Variants in TTC7A observed in about 807,000 individuals in gnomAD.
The protein encoded by TTC7A is tetratricopeptide repeat domain 7A, also known as tetratricopeptide repeat protein 7A.
TTC7A carries 110 observed loss-of-function variants against 103.7 expected under a neutral mutation model. The observed-to-expected ratio is 1.06, with a 90% CI of 0.91 to 1.24. TTC7A has a LOEUF of 1.24. Ranked by LOEUF, TTC7A falls within the 50% of genes most tolerant of loss-of-function variation. TTC7A has a pLI of 0.00. For synonymous variants in TTC7A, 521 were observed against 467.9 expected (o/e 1.11, Z -1.47); for missense variants, 1,340 against 1,116.3 (o/e 1.20, Z -2.86).
intron 19 of TTC7A, chr2:47,068,365 C>G (rs917311949): frequency 7.9e-5 from 12 of 152,180 alleles, no homozygotes; most frequent in African/African-American, 2.7e-4. Context: ...CTCTAGGCTT[C>G]TTTCTCTGTG....
rs1679631125 is a variant in TTC7A at position 47,024,287 on chromosome 2, G to A, written c.1569G>A (p.Arg523=). The A allele has an allele frequency of 6.2e-7, 1 of 1,601,818 alleles. No homozygotes were observed. Residue 523 remains arginine (R), a splice_region_variant and synonymous_variant, in exon 14 of 20, where the codon AGG becomes AGA. Coordinates refer to ENST00000319190, the MANE Select transcript of TTC7A (RefSeq NM_020458.4). Reference sequence around the variant, plus strand: ...CTTGTCACTCCCTCTCCCCACACAGGGCTCAGCAGCTGGCGCCCAGTGACC... The same window carrying A: ...CTTGTCACTCCCTCTCCCCACACAGAGCTCAGCAGCTGGCGCCCAGTGACC... ...LHRKALQTLE[R]AQQLAPSDPQ...
intron 5 of TTC7A, among the ~76,000 whole-genome samples, chr2:46,991,668 T>C (rs1030291520): frequency 3.7e-4 from 57 of 152,294 alleles, no homozygotes; most frequent in African/African-American, 1.3e-3. Flanking sequence ...CCGGTGATAG[T>C]ATTATTAGGA....
intron 15 of TTC7A, chr2:47,034,031 A>G (rs1193556241): frequency 6.6e-6 from 1 of 152,262 alleles, no homozygotes; most frequent in East Asian, 1.9e-4. Flanking sequence ...TTCAGGGGTT[A>G]GAAAGCACAG....
At chr2:46,947,342 C>G (rs1394736369) in intron 1 of TTC7A, among the ~76,000 whole-genome samples, 2 of 152,162 alleles carry the variant, frequency 1.3e-5, no homozygotes, top group African/African-American at 4.8e-5. Flanking sequence ...AAGCCTTCAA[C>G]AAATATTAGT....
intron 15 of TTC7A, among the ~76,000 whole-genome samples, chr2:47,035,856 G>A (rs1315525071): frequency 1.3e-5 from 2 of 152,308 alleles, no homozygotes; most frequent in East Asian, 3.9e-4. Context: ...CCACAAAGCA[G>A]AGCTGACCTC....
chr2:46,975,420 C>G (rs1673780912), intron 4 of TTC7A, among the ~76,000 whole-genome samples: 1 of 151,830 alleles, frequency 6.6e-6, no homozygotes, highest in South Asian at 2.1e-4. Flanking sequence ...CTGGGTCTTG[C>G]AGTTGGACAT....
intron 2 of TTC7A, among the ~76,000 whole-genome samples, chr2:46,931,357 C>T (rs1460793307): frequency 2.6e-5 from 4 of 152,248 alleles, no homozygotes; most frequent in African/African-American, 7.2e-5. Flanking sequence ...AAGTGCTGGG[C>T]TTACAGCCAT....
intron 8 of TTC7A, among the ~76,000 whole-genome samples, chr2:47,000,546 A>G (rs1676700121): frequency 1.3e-5 from 2 of 152,248 alleles, no homozygotes; most frequent in Admixed American, 1.3e-4. Flanking sequence ...CGCTGGGTGG[A>G]TGGAACATGT....
At chr2:46,999,449 C>G (rs1676567342) in intron 8 of TTC7A, 2 of 982,810 alleles carry the variant, frequency 2.0e-6, no homozygotes, top group Non-Finnish European at 1.2e-6. Flanking sequence ...ATTCATCTGT[C>G]TATCCACCCA....
chr2:46,947,949 A>G (rs1445332659), intron 1 of TTC7A, among the ~76,000 whole-genome samples: 1 of 152,178 alleles, frequency 6.6e-6, no homozygotes, highest in Non-Finnish European at 1.5e-5. Context: ...GGCCAGCCGC[A>G]CTTGGAGCAG....
chr2:46,973,218 C>A (rs1489052755), intron 3 of TTC7A, among the ~76,000 whole-genome samples: 2 of 152,068 alleles, frequency 1.3e-5, no homozygotes, highest in Admixed American at 1.3e-4. Flanking sequence ...TGTGGAACAG[C>A]AAAGTGAAGG....
At chr2:47,061,756 A>G (rs1250196507) in intron 19 of TTC7A, among the ~76,000 whole-genome samples, 22 of 152,272 alleles carry the variant, frequency 1.4e-4, no homozygotes, top group Admixed American at 1.4e-3. Flanking sequence ...GACAGGTGAT[A>G]TACTAGACCC....
intron 5 of TTC7A, among the ~76,000 whole-genome samples, chr2:46,987,497 G>C (rs2082562): frequency 0.79 from 120,285 of 152,108 alleles, 48,046 homozygotes; most frequent in African/African-American, 0.89. Flanking sequence ...GAATGTGAGC[G>C]GACTCTGCTC....
At chr2:46,993,640 T>A in intron 6 of TTC7A, 112 bp downstream of exon 6, 5 of 957,180 alleles carry the variant, frequency 5.2e-6, no homozygotes, top group Non-Finnish European at 8.3e-6. Context: ...GTCTCCTGCC[T>A]GCTTGTGGCA....
intron 19 of TTC7A, among the ~76,000 whole-genome samples, chr2:47,070,575 C>T (rs1319384869): frequency 6.6e-6 from 1 of 152,196 alleles, no homozygotes; most frequent in Admixed American, 6.5e-5. Context: ...ATGAGCCCCA[C>T]AGTAACTAAG....
In TTC7A at chr2:46,920,530, C is replaced by T. The variant is rs112225259; in HGVS notation, c.82+3253C>T. The stretch of plus-strand genomic sequence containing the variant: ...ATTTTTAGTAGAGATGGGGTTTCAC[C>T]ATGTTGGCCAGGCTGGTCTTGAACT... On this transcript the variant is annotated intron_variant, in intron 2 of 20. Transcript: ENST00000409245. Among the ~76,000 whole-genome samples the T allele has an allele frequency of 6.7e-3, 1,023 of 151,946 alleles. 4 individuals are homozygous for T. Among genetic ancestry groups the T allele is most frequent in the Non-Finnish European group, 0.011 (740 of 67,968 alleles).
Position 47,006,632 on chromosome 2 carries a change from C to T in TTC7A, c.1204-9C>T, listed in dbSNP as rs574765911. 242 of 1,612,990 alleles carry T rather than the reference C, an allele frequency of 1.5e-4. 3 individuals are homozygous for T. In the South Asian group the frequency reaches 2.4e-3, roughly 16 times the overall value. ...TGGTGGGTAAATGCTGACTATCTCC[C>T]CTCCCCAGTGCCTGGAGCGAGCCAT... On this transcript the variant is annotated splice_polypyrimidine_tract_variant and intron_variant, in intron 9 of 19. Transcript: ENST00000319190.
intron 15 of TTC7A, among the ~76,000 whole-genome samples, chr2:47,036,127 G>A (rs1681077177): frequency 6.6e-6 from 1 of 152,238 alleles, no homozygotes; most frequent in African/African-American, 2.4e-5. Context: ...GGTAGCTGCA[G>A]GGAGGGAAGC....
At chr2:47,000,523 G>A (rs976845102) in intron 8 of TTC7A, among the ~76,000 whole-genome samples, 2 of 152,226 alleles carry the variant, frequency 1.3e-5, no homozygotes. Flanking sequence ...GCTGGCGTGG[G>A]CCTGGCCTGG....
Sources: allele counts gnomAD v4.1 joint callset (sites outside exome capture counted in the v4.1 genomes callset), GRCh38; gene constraint gnomAD v4.1.1; transcripts MANE v1.5; gene names NCBI Gene and HGNC (gene_info 2026-07-23, HGNC 2026-07-21).